Variants in TCERG1L observed in about 807,000 individuals in gnomAD.
TCERG1L encodes the protein transcription elongation regulator 1-like protein.
TCERG1L carries 37 observed loss-of-function variants against 56.3 expected under a neutral mutation model. The observed-to-expected ratio is 0.66, with a 90% CI of 0.51 to 0.87. TCERG1L has a LOEUF of 0.87. Among genes scored for constraint, TCERG1L ranks in the 40% least tolerant of loss-of-function variants. The pLI, the probability that TCERG1L is intolerant of heterozygous loss-of-function variation, is 0.00. For synonymous variants in TCERG1L, 324 were observed against 326.3 expected (o/e 0.99, Z 0.08); for missense variants, 799 against 774.2 (o/e 1.03, Z -0.38).
In TCERG1L at chr10:131,173,571, C is replaced by A. The variant is rs377662035; in HGVS notation, c.857-6686G>T. 5.0e-4 allele frequency among the ~76,000 whole-genome samples: 76 copies of A among 152,326 alleles called. 3 individuals are homozygous for A. The highest frequency in any genetic ancestry group is 4.6e-3 in the East Asian group (24 of 5,188). ...AGGGAACCCTGCCCCTGGGAAGGTG[C>A]CTGCGTGCCATCTTCATGCTGAGTG... On this transcript the variant is annotated intron_variant, in intron 4 of 11. Transcript: ENST00000368642.
intron 6 of TCERG1L, among the ~76,000 whole-genome samples, chr10:131,153,869 C>G (rs1293243801): frequency 6.6e-6 from 1 of 152,154 alleles, no homozygotes; most frequent in Non-Finnish European, 1.5e-5. Context: ...ATCCAGGCCA[C>G]AAAGAGCCCA....
At chr10:131,202,344 G>A (rs1375858646) in intron 4 of TCERG1L, among the ~76,000 whole-genome samples, 1 of 152,220 alleles carries the variant, frequency 6.6e-6, no homozygotes, top group African/African-American at 2.4e-5. Flanking sequence ...CACTTTGGGA[G>A]GCCGAGGAGG....
chr10:131,289,244 C>T (rs956511384), intron 3 of TCERG1L, among the ~76,000 whole-genome samples: 5 of 151,216 alleles, frequency 3.3e-5, no homozygotes, highest in Non-Finnish European at 4.4e-5. Context: ...CGTCACGTGA[C>T]GGAGAAGAGT....
intron 7 of TCERG1L, among the ~76,000 whole-genome samples, chr10:131,135,564 T>C (rs1244712749): frequency 6.6e-6 from 1 of 152,226 alleles, no homozygotes; most frequent in Non-Finnish European, 1.5e-5. Flanking sequence ...CTTTTCAATG[T>C]GCAGCGTGGG....
At chr10:131,131,435 T>A (rs1384810087) in intron 8 of TCERG1L, among the ~76,000 whole-genome samples, 3 of 152,138 alleles carry the variant, frequency 2.0e-5, no homozygotes, top group African/African-American at 7.2e-5. Context: ...GGCCGAGCGG[T>A]CATGAATCTA....
intron 3 of TCERG1L, among the ~76,000 whole-genome samples, chr10:131,265,608 TAA>T (rs1846276836): frequency 6.6e-6 from 1 of 152,224 alleles, no homozygotes; most frequent in Non-Finnish European, 1.5e-5. Context: ...AATATTGCGA[TAA>T]AGAGAGTCAA....
In TCERG1L at chr10:131,232,719, A is replaced by C. The variant is rs34968490; in HGVS notation, c.856+27540T>G. ...TGAGAGCCCTTTCCCAAAAGCTGCT[A>C]AAATGGGCACAAAACCCTCCCCTCC... On this transcript the variant is annotated intron_variant, in intron 4 of 11. Coordinates refer to ENST00000368642, the MANE Select transcript of TCERG1L (RefSeq NM_174937.4). Among the ~76,000 whole-genome samples, 560 of 152,334 alleles carry C rather than the reference A, an allele frequency of 3.7e-3. 2 individuals are homozygous for C. The highest frequency in any genetic ancestry group is 6.3e-3 in the Non-Finnish European group (428 of 68,024).
At chr10:131,235,560 A>C (rs930108547) in intron 4 of TCERG1L, among the ~76,000 whole-genome samples, 3 of 152,090 alleles carry the variant, frequency 2.0e-5, no homozygotes, top group African/African-American at 7.3e-5. Context: ...TTAGTAAAGC[A>C]TGACAGCTCA....
chr10:131,212,056 A>G (rs774133379), intron 4 of TCERG1L, among the ~76,000 whole-genome samples: 3 of 152,152 alleles, frequency 2.0e-5, no homozygotes, highest in Non-Finnish European at 4.4e-5. Context: ...CAACTGTGCT[A>G]TGGGGCCACA....
intron 7 of TCERG1L, among the ~76,000 whole-genome samples, chr10:131,137,389 C>A (rs1234200848): frequency 2.0e-5 from 3 of 152,220 alleles, no homozygotes; most frequent in African/African-American, 4.8e-5. Context: ...GGCCTTCTGG[C>A]CGTCTCATTC....
intron 9 of TCERG1L, among the ~76,000 whole-genome samples, chr10:131,113,992 A>T (rs999470769): frequency 2.8e-5 from 4 of 142,284 alleles, no homozygotes; most frequent in African/African-American, 9.9e-5. Context: ...GCAAGGAAAA[A>T]CACAATAAAA....
intron 7 of TCERG1L, among the ~76,000 whole-genome samples, chr10:131,140,917 C>G (rs1399899897): frequency 6.6e-6 from 1 of 152,158 alleles, no homozygotes; most frequent in East Asian, 1.9e-4. Context: ...TTTGATCCAC[C>G]CCACTCCACC....
chr10:131,200,435 C>T (rs1845418971), intron 4 of TCERG1L, among the ~76,000 whole-genome samples: 2 of 152,178 alleles, frequency 1.3e-5, no homozygotes, highest in Non-Finnish European at 2.9e-5. Context: ...TCTCAAACCT[C>T]GAGATGTAAT....
intron 3 of TCERG1L, among the ~76,000 whole-genome samples, chr10:131,274,641 T>C (rs1244292709): frequency 1.3e-5 from 2 of 152,192 alleles, no homozygotes; most frequent in Non-Finnish European, 2.9e-5. Context: ...TGCTGCTGCA[T>C]GGCTTGTTCA....
intron 4 of TCERG1L, among the ~76,000 whole-genome samples, chr10:131,178,039 C>T (rs906343298): frequency 6.6e-6 from 1 of 152,146 alleles, no homozygotes; most frequent in African/African-American, 2.4e-5. Context: ...CACAGGCTCT[C>T]CCTCCCTTTA....
Position 131,309,204 on chromosome 10 carries a change from A to G in TCERG1L, c.438T>C (p.Leu146=). 6.2e-7 allele frequency: 1 copy of G among 1,611,164 alleles called. No individual in the cohort carries two copies. The highest frequency in any genetic ancestry group is 8.5e-7 in the Non-Finnish European group (1 of 1,178,950). ...PVFPHLCPSA[L]ATPIGKSWID... is the part of the protein sequence containing the mutation. ...TCCAACTTTTCCCAATAGGGGTTGC[A>G]AGAGCAGAAGGGCAGAGATGTGGGA... The change falls in exon 2 of 12, where the codon CTT becomes CTC. Residue 146 remains leucine (L), a synonymous_variant. Coordinates refer to ENST00000368642, the MANE Select transcript of TCERG1L (RefSeq NM_174937.4).
chr10:131,157,298 T>G (rs1244788210), intron 6 of TCERG1L, among the ~76,000 whole-genome samples: 1 of 152,226 alleles, frequency 6.6e-6, no homozygotes, highest in Admixed American at 6.5e-5. Context: ...CAATCTGAAT[T>G]TGTTTAGAAA....
intron 4 of TCERG1L, among the ~76,000 whole-genome samples, chr10:131,218,107 G>T (rs1845691293): frequency 6.6e-6 from 1 of 152,106 alleles, no homozygotes; most frequent in Non-Finnish European, 1.5e-5. Context: ...CCAGCTGCCT[G>T]GTTGGACACA....
chr10:131,184,658 C>T (rs1269401976), intron 4 of TCERG1L, among the ~76,000 whole-genome samples: 2 of 152,200 alleles, frequency 1.3e-5, no homozygotes, highest in African/African-American at 4.8e-5. Flanking sequence ...TGGAAACTCT[C>T]CTGCTACTCG....
Sources: gnomAD v4.1 joint callset for allele counts (sites outside exome capture counted in the v4.1 genomes callset) on GRCh38, gnomAD v4.1.1 for gene constraint, MANE v1.5 for transcripts, NCBI Gene and HGNC (gene_info 2026-07-23, HGNC 2026-07-21) for gene names.